Variants in SPG21 observed in about 807,000 individuals in gnomAD.
The protein encoded by SPG21 is SPG21 abhydrolase domain containing, maspardin.
Under a neutral mutation model 38.9 loss-of-function variants are expected in SPG21, and 26 were observed. The ratio of observed to expected loss-of-function variants is 0.67; its 90% CI spans 0.49 to 0.93. SPG21 has a LOEUF of 0.93. Among genes scored for constraint, SPG21 ranks in the 40% least tolerant of loss-of-function variants. The pLI, the probability that SPG21 is intolerant of heterozygous loss-of-function variation, is 0.00. For missense variants in SPG21, 333 were observed against 376.5 expected (o/e 0.88, Z 0.96); for synonymous variants, 136 against 128.9 (o/e 1.05, Z -0.37).
chr15:64,978,639 C>T (rs1188337278), intron 3 of SPG21, among the ~76,000 whole-genome samples: 1 of 152,070 alleles, frequency 6.6e-6, no homozygotes, highest in Admixed American at 6.6e-5. Flanking sequence ...AGACTTCCAC[C>T]ATTCCAAGAA....
chr15:64,968,332 CCT>C (rs1391183698), intron 7 of SPG21, among the ~76,000 whole-genome samples: 4 of 123,986 alleles, frequency 3.2e-5, no homozygotes, highest in African/African-American at 5.7e-5. Context: ...AGAGTGAGAC[CCT>C]GTTTCCAAAA....
Position 64,963,515 on chromosome 15 carries a change from G to A in SPG21, c.*105C>T, listed in dbSNP as rs771338218. ...CTACTTCCCAGACACAGTGAGAACCGGTGAGCCTGACGAACCTGAAGGAAA... is the reference window on the plus strand; with the variant it reads ...CTACTTCCCAGACACAGTGAGAACCAGTGAGCCTGACGAACCTGAAGGAAA... On this transcript the variant is annotated 3_prime_UTR_variant, in exon 9 of 9. Transcript: ENST00000204566. The A allele has an allele frequency of 1.7e-4, 144 of 871,040 alleles. No homozygotes were observed. Among genetic ancestry groups the A allele is most frequent in the Non-Finnish European group, 2.6e-4 (137 of 518,116 alleles). 54.0% of individuals were successfully genotyped at this position (871,040 alleles called of 1,614,324 possible).
At chr15:64,988,966 A>G (rs2086058394) in intron 1 of SPG21, 1 of 139,270 alleles carries the variant, frequency 7.2e-6, no homozygotes, top group African/African-American at 2.8e-5. Context: ...TGGGCGACGG[A>G]GCGAGACTCC....
chr15:64,969,681 G>GT (rs1299155585), intron 6 of SPG21, among the ~76,000 whole-genome samples: 3,385 of 38,858 alleles, frequency 0.087, 123 homozygotes, highest in African/African-American at 0.13. Context: ...ACAGATATAT[G>GT]TTTTTGTTTT....
At position 64,970,127 on chromosome 15, in the gene SPG21, A is replaced by T; in HGVS notation, c.548T>A (p.Phe183Tyr). Residue 183 changes from phenylalanine (F) to tyrosine (Y), a missense_variant, in exon 6 of 9, where the codon TTC becomes TAC. Physicochemically the swap from Phe to Tyr is conservative, Grantham distance 22. Coordinates refer to ENST00000204566, the MANE Select transcript of SPG21 (RefSeq NM_016630.7). The stretch of plus-strand genomic sequence containing the variant: ...CATGATCCTTACCCTGTCTACCATG[A>T]AATCAATGGCATCAGCCATCATAGG... ...VDPMMADAID[F>Y]MVDRLESLGQ... is the part of the protein sequence containing the mutation. 1 of 1,613,758 alleles carries T rather than the reference A, an allele frequency of 6.2e-7. No individual in the cohort carries two copies. Among genetic ancestry groups the T allele is most frequent in the Non-Finnish European group, 8.5e-7 (1 of 1,179,666 alleles).
chr15:64,979,965 T>C (rs957123100), intron 3 of SPG21, among the ~76,000 whole-genome samples: 2 of 151,228 alleles, frequency 1.3e-5, no homozygotes, highest in South Asian at 2.1e-4. Flanking sequence ...AACTCAGCTA[T>C]AAAGTAACAA....
At chr15:64,967,136 CT>C in intron 7 of SPG21, among the ~76,000 whole-genome samples, 1 of 152,032 alleles carries the variant, frequency 6.6e-6, no homozygotes, top group Non-Finnish European at 1.5e-5. Flanking sequence ...GGTATAGCCA[CT>C]GTGGAAGACA....
Position 64,970,135 on chromosome 15 carries a change from G to A in SPG21, c.540C>T (p.Ala180=). 6.2e-7 allele frequency: 1 copy of A among 1,613,916 alleles called. No individual in the cohort carries two copies. The highest frequency in any genetic ancestry group is 2.2e-5 in the East Asian group (1 of 44,876). The change falls in exon 6 of 9, where the codon GCC becomes GCT. Residue 180 remains alanine, a synonymous_variant. Transcript: ENST00000204566. ...SGPVDPMMAD[A]IDFMVDRLES... ...TTACCCTGTCTACCATGAAATCAAT[G>A]GCATCAGCCATCATAGGGTCCACCG... is the stretch of plus-strand genomic sequence containing the variant.
intron 7 of SPG21, among the ~76,000 whole-genome samples, chr15:64,968,077 G>A (rs72740687): frequency 0.018 from 2,784 of 152,230 alleles, 39 homozygotes; most frequent in Admixed American, 0.025. Flanking sequence ...TAGGCTGGGC[G>A]TGGTGGCTCA....
intron 2 of SPG21, 175 bp from the exon 3 acceptor site, chr15:64,981,200 C>A: frequency 1.5e-6 from 1 of 687,186 alleles, no homozygotes; most frequent in Non-Finnish European, 2.4e-6. Flanking sequence ...CCTTTTCTTT[C>A]CTCAGGGCTA....
rs1468302143 is a variant in SPG21, at chr15:64,963,246, A to G, written c.*374T>C. ...GTGCAGCATTTACAGCAAACAACAT[A>G]AAAAGAAAGAAAGAAGAATGGAAAA... On this transcript the variant is annotated 3_prime_UTR_variant, in exon 9 of 9. Transcript: ENST00000204566. 1.9e-5 allele frequency: 4 copies of G among 205,610 alleles called. No homozygotes were observed. The highest frequency in any genetic ancestry group is 4.0e-5 in the Non-Finnish European group (4 of 100,534). 12.7% of individuals were successfully genotyped at this position (205,610 alleles called of 1,614,324 possible).
At chr15:64,979,079 A>T (rs987591558) in intron 3 of SPG21, among the ~76,000 whole-genome samples, 1 of 152,262 alleles carries the variant, frequency 6.6e-6, no homozygotes, top group Non-Finnish European at 1.5e-5. Context: ...GGAGCTGAAC[A>T]TTCTGATCAC....
intron 5 of SPG21, 62 bp from the exon 6 acceptor site, chr15:64,970,284 C>G: frequency 7.3e-7 from 1 of 1,361,956 alleles, no homozygotes; most frequent in South Asian, 1.2e-5. Context: ...AATATTCATT[C>G]AACATTAAAG....
rs2085628436 is a variant in SPG21, at chr15:64,969,983, T to C, written c.561+131A>G. 4 of 826,770 alleles carry C rather than the reference T, an allele frequency of 4.8e-6. No individual in the cohort carries two copies. In the East Asian group the frequency reaches 9.7e-5, roughly 20 times the overall value. 51.2% of individuals were successfully genotyped at this position (826,770 alleles called of 1,614,324 possible). On this transcript the variant is annotated intron_variant, in intron 6 of 8. Coordinates refer to ENST00000204566, the MANE Select transcript of SPG21 (RefSeq NM_016630.7). ...GCAAGCCCTTACCAGCAATAATATC[T>C]GCTCAGATGTATTACTCTGCTTAGC...
chr15:64,968,274 A>AGGTTGCAGTGAGCTGAGATT (rs1176243748), intron 7 of SPG21, among the ~76,000 whole-genome samples: 1 of 139,432 alleles, frequency 7.2e-6, no homozygotes, highest in African/African-American at 2.6e-5. Context: ...CGGGAGGCAG[A>AGGTTGCAGTGAGCTGAGATT]GGTTGCAGTG....
intron 1 of SPG21, among the ~76,000 whole-genome samples, chr15:64,984,301 T>C (rs1423775088): frequency 2.6e-5 from 4 of 152,214 alleles, no homozygotes; most frequent in African/African-American, 4.8e-5. Context: ...TTAATAAAGA[T>C]GCTCCTGTCT....
In SPG21 at chr15:64,976,545, G is replaced by T; in HGVS notation, c.236C>A (p.Pro79Gln). 1 of 1,609,928 alleles carries T rather than the reference G, an allele frequency of 6.2e-7. No homozygotes were observed. The highest frequency in any genetic ancestry group is 8.5e-7 in the Non-Finnish European group (1 of 1,176,696). Reference protein sequence around the residue: ...WGYRVIALQYPVYWDHLEFCD... With the variant: ...WGYRVIALQYQVYWDHLEFCD... ...GAACTCGAGATGGTCCCAATAAACT[G>T]GATACTGCAACTGAAATAATAACGA... The change falls in exon 4 of 9, where the codon CCA (proline) becomes CAA (glutamine). Residue 79 changes from proline (P) to glutamine (Q), a missense_variant. Transcript: ENST00000204566.
chr15:64,968,805 A>G (rs1390890125), intron 7 of SPG21, among the ~76,000 whole-genome samples: 2 of 152,220 alleles, frequency 1.3e-5, no homozygotes, highest in African/African-American at 2.4e-5. Flanking sequence ...TGCTGCCCAT[A>G]TATGTGCAAT....
At chr15:64,983,193 G>A (rs985597758) in intron 2 of SPG21, 1 of 248,096 alleles carries the variant, frequency 4.0e-6, no homozygotes. Context: ...GGGAAGCAGA[G>A]GTTGCAGTGA....
Sources: allele counts gnomAD v4.1 joint callset (sites outside exome capture counted in the v4.1 genomes callset), GRCh38; gene constraint gnomAD v4.1.1; transcripts MANE v1.5; gene names NCBI Gene and HGNC (gene_info 2026-07-23, HGNC 2026-07-21).